The following NCAM1 variants were observed in gnomAD, a reference collection of about 807,000 sequenced individuals.
NCAM1 encodes neural cell adhesion molecule 1.
In NCAM1, 14 loss-of-function variants were observed where a neutral mutation model predicts 109.8. The ratio of observed to expected loss-of-function variants is 0.13; its 90% CI spans 0.08 to 0.20. The LOEUF (loss-of-function observed/expected upper bound fraction) is 0.20, where lower values mean the gene tolerates loss of function less well. Among genes scored for constraint, NCAM1 ranks in the 10% least tolerant of loss-of-function variants. The probability of loss-of-function intolerance (pLI) is 1.00; values close to 1 mark genes in which losing one functional copy is unlikely to be tolerated. For missense variants in NCAM1, 774 were observed against 1,109.9 expected, an observed-to-expected ratio of 0.70 and a Z score of 4.30; for synonymous variants, 418 against 442.9, an observed-to-expected ratio of 0.94 and a Z score of 0.70.
At chr11:113,202,287 T>A in intron 1 of NCAM1, 92 bp from the exon 2 acceptor site, 2 of 1,269,484 alleles carry the variant, frequency 1.6e-6, no homozygotes, top group East Asian at 5.0e-5. Flanking sequence ...AGATCTGGGT[T>A]TCATTCTTGA....
intron 12 of NCAM1, 114 bp downstream of exon 12, chr11:113,232,928 G>A (rs1591442188): frequency 9.2e-7 from 1 of 1,085,896 alleles, no homozygotes; most frequent in African/African-American, 1.6e-5. Context: ...AAGGGCCAGG[G>A]TCAGCAAAGC....
intron 1 of NCAM1, chr11:113,041,253 C>T (rs1172888637): frequency 2.6e-5 from 4 of 152,164 alleles, no homozygotes; most frequent in African/African-American, 9.6e-5. Flanking sequence ...AGACATAAAC[C>T]CATACACGCC....
At chr11:113,262,638 G>A (rs1049969196) in intron 17 of NCAM1, among the ~76,000 whole-genome samples, 10 of 152,216 alleles carry the variant, frequency 6.6e-5, no homozygotes, top group African/African-American at 2.4e-4. Context: ...CTTTGATTCT[G>A]TGTTTTCTAT....
At chr11:113,197,904 C>T (rs1325250598) in intron 1 of NCAM1, among the ~76,000 whole-genome samples, 1 of 152,184 alleles carries the variant, frequency 6.6e-6, no homozygotes, top group Non-Finnish European at 1.5e-5. Context: ...TTTTAATTCA[C>T]TTTTCTTCAG....
At chr11:113,120,252 G>T (rs1474927209) in intron 1 of NCAM1, among the ~76,000 whole-genome samples, 1 of 152,104 alleles carries the variant, frequency 6.6e-6, no homozygotes, top group Non-Finnish European at 1.5e-5. Flanking sequence ...AACTTCCCTG[G>T]GCCATTAGCA....
At chr11:112,996,358 A>G (rs1951597641) in intron 1 of NCAM1, among the ~76,000 whole-genome samples, 1 of 152,210 alleles carries the variant, frequency 6.6e-6, no homozygotes, top group African/African-American at 2.4e-5. Context: ...AAGTGTAGGT[A>G]TGACTTTGTA....
chr11:113,079,623 T>C (rs1938695252), intron 1 of NCAM1, among the ~76,000 whole-genome samples: 1 of 152,264 alleles, frequency 6.6e-6, no homozygotes, highest in South Asian at 2.1e-4. Flanking sequence ...TTTTGTGATA[T>C]ACATTTTTTG....
intron 1 of NCAM1, among the ~76,000 whole-genome samples, chr11:113,179,657 TTTC>T (rs1943270226): frequency 6.6e-6 from 1 of 152,220 alleles, no homozygotes. Flanking sequence ...GCTTGGGTCA[TTTC>T]TTCTCTCTCA....
chr11:113,188,341 A>G (rs1364410658), intron 1 of NCAM1, among the ~76,000 whole-genome samples: 1 of 152,170 alleles, frequency 6.6e-6, no homozygotes. Context: ...AGTCACCCCC[A>G]GGACTCCACA....
intron 15 of NCAM1, among the ~76,000 whole-genome samples, chr11:113,246,756 G>A (rs1945512318): frequency 6.6e-6 from 1 of 152,224 alleles, no homozygotes; most frequent in Non-Finnish European, 1.5e-5. Context: ...AAACACCATA[G>A]TTGTTCTAAA....
intron 8 of NCAM1, among the ~76,000 whole-genome samples, chr11:113,214,957 A>G (rs1449189467): frequency 6.6e-6 from 1 of 152,222 alleles, no homozygotes; most frequent in Non-Finnish European, 1.5e-5. Flanking sequence ...CTCATGCTAT[A>G]TATGCACTTA....
chr11:113,193,117 T>G (rs1192636219), intron 1 of NCAM1, among the ~76,000 whole-genome samples: 1 of 152,210 alleles, frequency 6.6e-6, no homozygotes, highest in East Asian at 1.9e-4. Flanking sequence ...ATGGAGATAC[T>G]TCTGATTTTT....
intron 8 of NCAM1, among the ~76,000 whole-genome samples, chr11:113,217,591 C>A (rs1235577735): frequency 6.6e-6 from 1 of 152,144 alleles, no homozygotes; most frequent in African/African-American, 2.4e-5. Flanking sequence ...CAGAAAAAGG[C>A]ACATTAGCTC....
chr11:113,087,014 G>A (rs782474267), intron 1 of NCAM1, among the ~76,000 whole-genome samples: 2 of 152,184 alleles, frequency 1.3e-5, no homozygotes, highest in Non-Finnish European at 2.9e-5. Context: ...CAACTGTGCA[G>A]ATTAGTTCAA....
chr11:113,252,405 CAAAA>C (rs58848352), intron 15 of NCAM1, among the ~76,000 whole-genome samples: 4 of 84,724 alleles, frequency 4.7e-5, no homozygotes, highest in Admixed American at 1.2e-4. Flanking sequence ...GACCCTGTCT[CAAAA>C]AAAAAAAAAA....
intron 1 of NCAM1, among the ~76,000 whole-genome samples, chr11:113,139,903 G>C (rs1385389146): frequency 6.6e-6 from 1 of 152,176 alleles, no homozygotes; most frequent in Non-Finnish European, 1.5e-5. Context: ...GTTTTCTAGT[G>C]ATATTTTAAT....
At chr11:113,228,715 G>A (rs1256884418) in intron 9 of NCAM1, among the ~76,000 whole-genome samples, 1 of 152,178 alleles carries the variant, frequency 6.6e-6, no homozygotes, top group Non-Finnish European at 1.5e-5. Flanking sequence ...AAGCAGCATG[G>A]TACTGGTACC....
intron 1 of NCAM1, among the ~76,000 whole-genome samples, chr11:113,002,811 A>G (rs1217077579): frequency 6.6e-6 from 1 of 152,232 alleles, no homozygotes; most frequent in Non-Finnish European, 1.5e-5. Context: ...TGGAAGTCTC[A>G]TGTTTTATCT....
At chr11:113,231,236 G>C (rs117219783) in intron 9 of NCAM1, 1 of 1,536,140 alleles carries the variant, frequency 6.5e-7, no homozygotes. Context: ...AGACAGAAAG[G>C]ACAGGCTGGC....
Sources: allele counts gnomAD v4.1 joint callset (sites outside exome capture counted in the v4.1 genomes callset), GRCh38; gene constraint gnomAD v4.1.1; transcripts MANE v1.5; gene names NCBI Gene and HGNC (gene_info 2026-07-23, HGNC 2026-07-21).